LRIF1: variants seen among roughly 807,000 people sequenced by gnomAD.
LRIF1 encodes ligand dependent nuclear receptor interacting factor 1.
A neutral mutation model predicts 52.7 loss-of-function variants in LRIF1; 32 were observed. The observed-to-expected ratio is 0.61, with a 90% CI of 0.46 to 0.82. The LOEUF (loss-of-function observed/expected upper bound fraction) is 0.82. Among genes scored for constraint, LRIF1 ranks in the 40% least tolerant of loss-of-function variants. LRIF1 has a pLI of 0.00. For synonymous variants in LRIF1, 323 were observed against 317.4 expected (o/e 1.02, Z -0.19); for missense variants, 887 against 892.0 (o/e 0.99, Z 0.07).
the LRIF1 span, chr1:110,892,647 G>A: frequency 1.1e-6 from 1 of 887,104 alleles, no homozygotes; most frequent in Admixed American, 2.2e-5. Flanking sequence ...AGGAAAATGA[G>A]ATTGGTACCT....
the LRIF1 span, among the ~76,000 whole-genome samples, chr1:110,922,451 C>A: frequency 1.3e-5 from 2 of 152,124 alleles, no homozygotes; most frequent in East Asian, 3.9e-4. Context: ...AAATACATTT[C>A]TGTTTTTAGA....
At chr1:110,918,280 C>A in the LRIF1 span, among the ~76,000 whole-genome samples, 1 of 151,932 alleles carries the variant, frequency 6.6e-6, no homozygotes, top group Admixed American at 6.6e-5. Context: ...CAGCACTGTC[C>A]TGAAGATCAG....
At chr1:110,943,525 G>A (rs982481479), downstream of LRIF1, 1 of 152,040 alleles carries the variant, frequency 6.6e-6, no homozygotes, top group Non-Finnish European at 1.5e-5. Context: ...TGATTACTAC[G>A]TGTCAGGTAC....
At chr1:110,894,534 A>C in the LRIF1 span, 1 of 703,814 alleles carries the variant, frequency 1.4e-6, no homozygotes. Context: ...GAGGAAACAG[A>C]GAGTAATTGT....
the LRIF1 span, among the ~76,000 whole-genome samples, chr1:110,908,643 CAGAACTCAA>C: frequency 6.6e-6 from 1 of 151,890 alleles, no homozygotes; most frequent in South Asian, 2.1e-4. Context: ...GAAAGAATCT[CAGAACTCAA>C]AGACCATTCT....
At chr1:110,900,698 G>T in the LRIF1 span, among the ~76,000 whole-genome samples, 1 of 146,448 alleles carries the variant, frequency 6.8e-6, no homozygotes, top group African/African-American at 2.5e-5. Flanking sequence ...CACCACATCA[G>T]TTCTGCCATA....
At position 110,947,668 on chromosome 1, in the gene LRIF1, A is replaced by C. The variant is rs1001521193; in HGVS notation, c.*291T>G. On this transcript the variant is annotated 3_prime_UTR_variant, in exon 4 of 4. Coordinates refer to ENST00000369763, the MANE Select transcript of LRIF1 (RefSeq NM_018372.4). ...GGTAAAGATACAAACAATAACAAAA[A>C]CCCTGCCCAAATATTCAAACTTGGA... The C allele has an allele frequency of 6.2e-5, 14 of 227,598 alleles. No homozygotes were observed. The highest frequency in any genetic ancestry group is 3.0e-4 in the African/African-American group (13 of 43,744). The allele number at this position is 227,598 out of a possible 1,614,324, so 14.1% of individuals were successfully genotyped here. A position where few individuals can be genotyped will look rare whatever the true frequency, so the allele number is the denominator to read the frequency against.
the LRIF1 span, among the ~76,000 whole-genome samples, chr1:110,879,144 A>G: frequency 6.6e-6 from 1 of 152,274 alleles, no homozygotes; most frequent in East Asian, 1.9e-4. Flanking sequence ...GTTAGAAGCT[A>G]AGGGTTACCC....
the LRIF1 span, among the ~76,000 whole-genome samples, chr1:110,886,869 A>ATATATATATATATATATTTTTT: frequency 1.2e-4 from 10 of 82,782 alleles, no homozygotes; most frequent in South Asian, 4.3e-4. Flanking sequence ...ATATATATAT[A>ATATATATATATATATATTTTTT]TTTTTTTTTT....
chr1:110,954,847 C>T (rs1281280098), intron 1 of LRIF1, among the ~76,000 whole-genome samples: 1 of 152,196 alleles, frequency 6.6e-6, no homozygotes, highest in Non-Finnish European at 1.5e-5. Flanking sequence ...AGTGGCTCCT[C>T]AGTCTTCTTT....
At chr1:110,946,588 CTT>C (rs904680240), downstream of LRIF1, among the ~76,000 whole-genome samples, 19 of 145,354 alleles carry the variant, frequency 1.3e-4, no homozygotes, top group African/African-American at 4.8e-4. Flanking sequence ...CTGATTTACT[CTT>C]TTGTTGCCAT....
At chr1:110,945,951 T>C (rs12145219), downstream of LRIF1, among the ~76,000 whole-genome samples, 30,921 of 152,074 alleles carry the variant, frequency 0.2, 3,983 homozygotes, top group East Asian at 0.35. Flanking sequence ...CCTCAAAACA[T>C]AGTTAAACAC....
At chr1:110,948,742 G>A (rs1269186883) in intron 3 of LRIF1, among the ~76,000 whole-genome samples, 1 of 152,148 alleles carries the variant, frequency 6.6e-6, no homozygotes, top group African/African-American at 2.4e-5. Context: ...AGGCACATAT[G>A]GAGGATTTTC....
chr1:110,891,592 C>G, the LRIF1 span: 1 of 740,876 alleles, frequency 1.3e-6, no homozygotes, highest in Non-Finnish European at 2.4e-6. Flanking sequence ...ATGTCCAGCA[C>G]AACCATCCTA....
rs1283127642 is a variant in LRIF1, at chr1:110,948,419, TC to T, written c.1870-21del. ...ATTCTGCTGCAATATTGAATAACAT[TC>T]CAAAACAAAAACGAAATGTTACTGC... On this transcript the variant is annotated intron_variant, in intron 3 of 3. Transcript: ENST00000369763. The T allele has an allele frequency of 6.3e-7, 1 of 1,591,686 alleles. No individual in the cohort carries two copies. The highest frequency in any genetic ancestry group is 1.8e-5 in the Admixed American group (1 of 56,648).
chr1:110,945,672 C>T (rs960591229), downstream of LRIF1, among the ~76,000 whole-genome samples: 2 of 152,192 alleles, frequency 1.3e-5, no homozygotes, highest in African/African-American at 2.4e-5. Context: ...GGTGATCTGC[C>T]CACCTCGGCT....
the LRIF1 span, among the ~76,000 whole-genome samples, chr1:110,930,013 AG>A: frequency 6.6e-6 from 1 of 152,182 alleles, no homozygotes; most frequent in Non-Finnish European, 1.5e-5. Context: ...CTAAAATAAA[AG>A]TTTTTTGAAG....
chr1:110,890,503 G>A, the LRIF1 span, among the ~76,000 whole-genome samples: 5 of 152,066 alleles, frequency 3.3e-5, no homozygotes, highest in African/African-American at 1.2e-4. Flanking sequence ...GGAGGTGAAG[G>A]TTGCAGTGAA....
At chr1:110,958,531 ATCCT>A in intron 1 of LRIF1, among the ~76,000 whole-genome samples, 1 of 152,268 alleles carries the variant, frequency 6.6e-6, no homozygotes, top group East Asian at 1.9e-4. Context: ...TTTTGCAAAT[ATCCT>A]TCCAATACCA....
Sources: allele counts gnomAD v4.1 joint callset (sites outside exome capture counted in the v4.1 genomes callset), GRCh38; gene constraint gnomAD v4.1.1; transcripts MANE v1.5; gene names NCBI Gene and HGNC (gene_info 2026-07-23, HGNC 2026-07-21).